Variants in IDH3G observed in about 807,000 individuals in gnomAD.
The protein encoded by IDH3G is isocitrate dehydrogenase [NAD] subunit gamma, mitochondrial.
Under a neutral mutation model 26.9 loss-of-function variants are expected in IDH3G, and 9 were observed. The ratio of observed to expected loss-of-function variants is 0.34; its 90% CI spans 0.20 to 0.58. IDH3G has a LOEUF of 0.58. Among genes scored for constraint, IDH3G ranks in the 20% least tolerant of loss-of-function variants. The pLI, the probability that IDH3G is intolerant of heterozygous loss-of-function variation, is 0.85. For missense variants in IDH3G, 250 were observed against 372.8 expected (o/e 0.67, Z 2.71); for synonymous variants, 181 against 160.0 (o/e 1.13, Z -0.99).
At chrX:153,791,006 C>T in intron 1 of IDH3G, 155 bp from the exon 2 acceptor site, 2 of 473,169 alleles carry the variant, frequency 4.2e-6, no homozygotes, top group Admixed American at 7.4e-5. Context: ...AGCTCCAAAG[C>T]CTCAGTCCCC....
intron 10 of IDH3G, 65 bp downstream of exon 10, chrX:153,786,736 T>C (rs1557069259): frequency 8.9e-6 from 10 of 1,128,072 alleles, no homozygotes; most frequent in Non-Finnish European, 1.2e-5. Flanking sequence ...ATGGGATGAG[T>C]GTGCCTCACT....
At chrX:153,789,861 C>CG (rs367590817) in intron 4 of IDH3G, 37 bp from the exon 5 acceptor site, 1 of 915,550 alleles carries the variant, frequency 1.1e-6, no homozygotes, top group African/African-American at 1.9e-5. Flanking sequence ...TGGCCCAGAC[C>CG]CCCCCGCACC....
chrX:153,789,536 C>T (rs3788803), intron 5 of IDH3G, among the ~76,000 whole-genome samples, 176 bp downstream of exon 5: 11,755 of 112,179 alleles, frequency 0.1, 534 homozygotes, highest in East Asian at 0.19. Context: ...AGAGCGAGAC[C>T]CCATCTCAGA....
chrX:153,794,138 C>A, intron 1 of IDH3G, 108 bp downstream of exon 1: 1 of 886,423 alleles, frequency 1.1e-6, no homozygotes, highest in South Asian at 2.6e-5. Flanking sequence ...CCTTTCCCCG[C>A]CCCTGGTGGG....
At chrX:153,789,600 GGAAAGCAAGCAA>G (rs2092101713) in intron 5 of IDH3G, 100 bp downstream of exon 5, 10 of 506,521 alleles carry the variant, frequency 2.0e-5, no homozygotes, top group Admixed American at 1.1e-4. Flanking sequence ...CAAGAAAGCA[GGAAAGCAAGCAA>G]GAAAGCAAGC....
chrX:153,790,024 C>G, intron 4 of IDH3G, 171 bp downstream of exon 4: 1 of 490,439 alleles, frequency 2.0e-6, no homozygotes, highest in East Asian at 3.6e-5. Flanking sequence ...TGCCACCTTC[C>G]CCGAGCCCAG....
intron 8 of IDH3G, 64 bp downstream of exon 8, chrX:153,787,400 A>G: frequency 4.3e-6 from 5 of 1,154,226 alleles, no homozygotes; most frequent in Non-Finnish European, 5.9e-6. Flanking sequence ...AATCCCTCAG[A>G]GCAGGCCCAA....
chrX:153,790,660 AG>A, intron 2 of IDH3G, 85 bp from the exon 3 acceptor site: 1 of 1,098,637 alleles, frequency 9.1e-7, no homozygotes, highest in Admixed American at 2.2e-5. Context: ...ACCTTTTCCC[AG>A]GGGGATGCTG....
chrX:153,787,057 G>A lies in IDH3G; in HGVS notation c.771C>T (p.Thr257=). The A allele has an allele frequency of 1.7e-6, 2 of 1,205,453 alleles. No homozygotes were observed. Among genetic ancestry groups the A allele is most frequent in the Non-Finnish European group, 2.2e-6 (2 of 889,793 alleles). ...GCACTGGGCAGGCTAATACCTGCATGGTGGTGTTATCCACAATCATGTTCT... is the reference window on the plus strand; with the variant it reads ...GCACTGGGCAGGCTAATACCTGCATAGTGGTGTTATCCACAATCATGTTCT... ...TFENMIVDNT[T]MQLVSRPQQF... The change falls in exon 9 of 13, where the codon ACC becomes ACT. Residue 257 remains threonine (T), a synonymous_variant. Transcript: ENST00000217901.
intron 1 of IDH3G, among the ~76,000 whole-genome samples, chrX:153,792,838 C>A (rs2092114575): frequency 8.9e-6 from 1 of 112,488 alleles, no homozygotes; most frequent in Non-Finnish European, 1.9e-5. Flanking sequence ...TGTGAAGCCA[C>A]CAATCAAAGG....
chrX:153,787,078 G>A lies in IDH3G; in HGVS notation c.750C>T (p.Asn250=). 8.3e-7 allele frequency: 1 copy of A among 1,209,685 alleles called. No individual in the cohort carries two copies. Among genetic ancestry groups the A allele is most frequent in the Non-Finnish European group, 1.1e-6 (1 of 893,604 alleles). ...GCATGGTGGTGTTATCCACAATCAT[G>A]TTCTCGAAGGTGATCTGAGGGTAGC... The part of the protein sequence containing the change: ...AARYPQITFE[N]MIVDNTTMQL... Residue 250 remains asparagine, a synonymous_variant, in exon 9 of 13, where the codon AAC becomes AAT. Transcript: ENST00000217901.
intron 1 of IDH3G, chrX:153,791,358 GCC>G (rs2092109013): frequency 8.6e-6 from 1 of 116,105 alleles, no homozygotes; most frequent in Non-Finnish European, 1.8e-5. Flanking sequence ...CCAGCCTCCG[GCC>G]TCCCTGAGAC....
At chrX:153,788,052 C>T (rs1557069628) in intron 6 of IDH3G, 23 bp downstream of exon 6, 2 of 1,211,569 alleles carry the variant, frequency 1.7e-6, no homozygotes, top group Non-Finnish European at 2.2e-6. Flanking sequence ...ACCAAGCCCC[C>T]AGCCCGCACA....
intron 1 of IDH3G, among the ~76,000 whole-genome samples, chrX:153,793,333 C>T: frequency 8.9e-6 from 1 of 111,945 alleles, no homozygotes; most frequent in Non-Finnish European, 1.9e-5. Context: ...TAGGCACAAG[C>T]AGTCTCCCCC....
chrX:153,794,219 C>T (rs782810715), intron 1 of IDH3G, 27 bp downstream of exon 1: 29 of 1,163,685 alleles, frequency 2.5e-5, no homozygotes, highest in Admixed American at 4.8e-5. Flanking sequence ...ACCGCTGCCG[C>T]GGTCCCGTGG....
At position 153,789,821 on chromosome X, in the gene IDH3G, G is replaced by A. The variant is rs781843175; in HGVS notation, c.237C>T (p.His79=). The stretch of plus-strand genomic sequence containing the variant: ...CTTCAAAGTCCACTGGTACACATGC[G>A]TGCCTGAGGCACGGCAGGGTCAGGG... The part of the protein sequence containing the change: ...LMLHVKSVFR[H]ACVPVDFEEV... Residue 79 remains histidine, a synonymous_variant, in exon 5 of 13, where the codon CAC becomes CAT. Coordinates refer to ENST00000217901, the MANE Select transcript of IDH3G (RefSeq NM_004135.4). 18 of 1,170,940 alleles carry A rather than the reference G, an allele frequency of 1.5e-5. 1 individual carries two copies. Among genetic ancestry groups the A allele is most frequent in the African/African-American group, 3.5e-5 (2 of 56,714 alleles).
intron 5 of IDH3G, among the ~76,000 whole-genome samples, chrX:153,789,373 C>T (rs2092100703): frequency 8.9e-6 from 1 of 112,233 alleles, no homozygotes; most frequent in Non-Finnish European, 1.9e-5. Flanking sequence ...GTGAAACCCA[C>T]TCTCTACTGA....
intron 5 of IDH3G, among the ~76,000 whole-genome samples, chrX:153,788,402 G>A (rs1181866127): frequency 1.8e-5 from 2 of 112,954 alleles, no homozygotes; most frequent in Non-Finnish European, 3.8e-5. Context: ...CAACCAGCCA[G>A]GCAGCCATGC....
In IDH3G at chrX:153,785,819, C is replaced by T. The variant is rs2092084446; in HGVS notation, c.*53G>A. On this transcript the variant is annotated 3_prime_UTR_variant, in exon 13 of 13. Coordinates refer to ENST00000217901, the MANE Select transcript of IDH3G (RefSeq NM_004135.4). ...TCTGCGTACCAGGCTGGCTGGGGTG[C>T]TGGAGTGGGAAGGGGAATCCAAGGA... 9.3e-6 allele frequency: 11 copies of T among 1,177,495 alleles called. No individual in the cohort carries two copies. The South Asian group carries it at 1.8e-4, about 19-fold the overall frequency.
Sources: gnomAD v4.1 joint callset for allele counts (sites outside exome capture counted in the v4.1 genomes callset) on GRCh38, gnomAD v4.1.1 for gene constraint, MANE v1.5 for transcripts, NCBI Gene and HGNC (gene_info 2026-07-23, HGNC 2026-07-21) for gene names.